Variants in PADI6 observed in about 807,000 individuals in gnomAD.
PADI6 encodes inactive protein-arginine deiminase type-6.
PADI6 carries 66 observed loss-of-function variants against 78.2 expected under a neutral mutation model. That is an observed-to-expected ratio of 0.84 (90% confidence interval 0.69 to 1.04). The LOEUF (loss-of-function observed/expected upper bound fraction) is 1.04. Among genes scored for constraint, PADI6 ranks in the 50% least tolerant of loss-of-function variants. The pLI is 0.00. For missense variants in PADI6, 854 were observed against 866.1 expected (o/e 0.99, Z 0.18); for synonymous variants, 397 against 346.9 (o/e 1.14, Z -1.60).
At chr1:17,375,540 C>A in intron 3 of PADI6, 41 bp downstream of exon 3, 1 of 1,529,218 alleles carries the variant, frequency 6.5e-7, no homozygotes, top group Non-Finnish European at 8.9e-7. Context: ...CCCAACTCAC[C>A]GCTGGGGTTG....
At chr1:17,380,281 C>T (rs1307277826) in intron 4 of PADI6, among the ~76,000 whole-genome samples, 1 of 152,162 alleles carries the variant, frequency 6.6e-6, no homozygotes, top group Non-Finnish European at 1.5e-5. Flanking sequence ...ATGATCTTAG[C>T]TCACTGTAAT....
chr1:17,397,573 C>T (rs1425033468), intron 14 of PADI6, among the ~76,000 whole-genome samples: 1 of 152,154 alleles, frequency 6.6e-6, no homozygotes, highest in Non-Finnish European at 1.5e-5. Flanking sequence ...TCTTTTCCCC[C>T]AAGCTGGGAA....
rs1403882024 is a variant in PADI6 at position 17,373,096 on chromosome 1, T to G, written c.157T>G (p.Ser53Ala). The G allele has an allele frequency of 6.2e-7, 1 of 1,613,966 alleles. No homozygotes were observed. Among genetic ancestry groups the G allele is most frequent in the Non-Finnish European group, 8.5e-7 (1 of 1,179,876 alleles). The change falls in exon 2 of 16, where the codon TCT becomes GCT. Residue 53 changes from serine (S) to alanine (A), a missense_variant. Transcript: ENST00000619609. Reference sequence around the variant, plus strand: ...GTGCCAGTGCTTCACCATCCATGGCTCTGGGAGGGTCTTGATCGATGTGGC... The same window carrying G: ...GTGCCAGTGCTTCACCATCCATGGCGCTGGGAGGGTCTTGATCGATGTGGC... ...QKCQCFTIHGSGRVLIDVANT... is the reference protein window; with the variant it reads ...QKCQCFTIHGAGRVLIDVANT...
intron 14 of PADI6, among the ~76,000 whole-genome samples, chr1:17,397,515 G>A (rs747402369): frequency 3.9e-5 from 6 of 152,138 alleles, no homozygotes; most frequent in African/African-American, 1.4e-4. Context: ...GATATTACTT[G>A]CAGATACTGT....
At chr1:17,387,814 ATCTCT>A (rs2075136375) in intron 6 of PADI6, among the ~76,000 whole-genome samples, 1 of 152,120 alleles carries the variant, frequency 6.6e-6, no homozygotes, top group South Asian at 2.1e-4. Context: ...CTTCCTTCTG[ATCTCT>A]TCTGTGCATG....
chr1:17,396,080 TC>T (rs1557609095), intron 13 of PADI6, among the ~76,000 whole-genome samples: 1 of 152,068 alleles, frequency 6.6e-6, no homozygotes, highest in Non-Finnish European at 1.5e-5. Context: ...CCATTGCACT[TC>T]TGATCTAAAG....
intron 9 of PADI6, among the ~76,000 whole-genome samples, chr1:17,392,892 G>A (rs2075202410): frequency 6.6e-6 from 1 of 152,164 alleles, no homozygotes; most frequent in South Asian, 2.1e-4. Flanking sequence ...AGTGGCTCAA[G>A]CCTGTAATCC....
At chr1:17,383,507 A>G (rs559708174) in intron 6 of PADI6, among the ~76,000 whole-genome samples, 1 of 152,346 alleles carries the variant, frequency 6.6e-6, no homozygotes, top group South Asian at 2.1e-4. Context: ...TAAGGATGCC[A>G]TACTTCATCA....
rs187619578 is a variant in PADI6, at chr1:17,400,833, C to T, written c.1852-372C>T. Among the ~76,000 whole-genome samples the T allele has an allele frequency of 3.2e-3, 487 of 152,148 alleles. 3 individuals carry two copies. Among genetic ancestry groups the T allele is most frequent in the Non-Finnish European group, 3.7e-3 (255 of 68,012 alleles). On this transcript the variant is annotated intron_variant, in intron 15 of 15. Transcript: ENST00000619609. ...AGTGTGGTCCGGCAGGGGTGAGTAA[C>T]GGTAAGAAGCTGCTTTGAGGAGGAG...
chr1:17,372,975 C>T (rs747882917), intron 1 of PADI6, 81 bp from the exon 2 acceptor site: 57 of 1,414,652 alleles, frequency 4.0e-5, no homozygotes, highest in Middle Eastern at 1.8e-4. Flanking sequence ...ATTCGGGAGC[C>T]GTCCCCTCCC....
chr1:17,379,151 C>A (rs1243030239), intron 3 of PADI6, among the ~76,000 whole-genome samples: 1 of 123,536 alleles, frequency 8.1e-6, no homozygotes, highest in Non-Finnish European at 1.6e-5. Context: ...GTCTCGCTGT[C>A]GCCCAGGCTG....
rs2075302551 is a variant in PADI6, at chr1:17,401,632, A to C, written c.*194A>C. On this transcript the variant is annotated 3_prime_UTR_variant, in exon 16 of 16. Coordinates refer to ENST00000619609, the MANE Select transcript of PADI6 (RefSeq NM_207421.4). ...GCCAGCTTGAACCCCTATGGGGAAA[A>C]GATGCAAAAGTGTTCAGCCAAGTGA... The C allele has an allele frequency of 1.7e-6, 1 of 595,188 alleles. No individual in the cohort carries two copies. The highest frequency in any genetic ancestry group is 1.9e-5 in the African/African-American group (1 of 53,906). 36.9% of individuals were successfully genotyped at this position (595,188 alleles called of 1,614,324 possible).
At chr1:17,372,849 G>A (rs569699829) in intron 1 of PADI6, among the ~76,000 whole-genome samples, 4 of 152,072 alleles carry the variant, frequency 2.6e-5, no homozygotes, top group East Asian at 3.9e-4. Flanking sequence ...TGTCGGTAGC[G>A]GGATGGGGTT....
At chr1:17,395,224 TTGA>T (rs1557608522) in intron 12 of PADI6, 117 bp downstream of exon 12, 32 of 1,326,582 alleles carry the variant, frequency 2.4e-5, no homozygotes, top group African/African-American at 3.3e-5. Context: ...TGTTTGTTTT[TTGA>T]GAGTCTTGCT....
At position 17,375,178 on chromosome 1, in the gene PADI6, T is replaced by A. The variant is rs1485900654; in HGVS notation, c.295-249T>A. Among the ~76,000 whole-genome samples, 4 of 152,204 alleles carry A rather than the reference T, an allele frequency of 2.6e-5. No homozygotes were observed. The South Asian group carries it at 6.2e-4, about 24-fold the overall frequency. Reference sequence around the variant, plus strand: ...CGCCATCAGGGATACAGCTCTCACGTGGACAGGTGGTTTCAAGCCTGGCTC... The same window carrying A: ...CGCCATCAGGGATACAGCTCTCACGAGGACAGGTGGTTTCAAGCCTGGCTC... On this transcript the variant is annotated intron_variant, in intron 2 of 15. Transcript: ENST00000619609.
At chr1:17,396,883 C>A (rs576425768) in intron 13 of PADI6, among the ~76,000 whole-genome samples, 188 bp from the exon 14 acceptor site, 5 of 152,194 alleles carry the variant, frequency 3.3e-5, no homozygotes, top group Non-Finnish European at 5.9e-5. Flanking sequence ...CTGGTGTAGA[C>A]CCTGGTCAGT....
At chr1:17,384,137 T>C (rs1283907455) in intron 6 of PADI6, among the ~76,000 whole-genome samples, 1 of 150,818 alleles carries the variant, frequency 6.6e-6, no homozygotes, top group Admixed American at 6.6e-5. Context: ...AGTGGGACTC[T>C]GTCTCAAAAA....
chr1:17,383,530 C>T (rs142152420), intron 6 of PADI6, among the ~76,000 whole-genome samples: 8 of 152,316 alleles, frequency 5.3e-5, no homozygotes, highest in Admixed American at 6.5e-5. Flanking sequence ...TGGATCATAG[C>T]GAACTACCGG....
Position 17,395,664 on chromosome 1 carries a change from G to T in PADI6, c.1618+1G>T. ...AGAGCAGATCAGCTCCTGTCTAATG[G>T]TAAGGGAACTCCCTTTCCACAGAAC... On this transcript the variant is annotated splice_donor_variant, in intron 13 of 15. Coordinates refer to ENST00000619609, the MANE Select transcript of PADI6 (RefSeq NM_207421.4). LOFTEE classifies it high-confidence loss of function. 6.2e-7 allele frequency: 1 copy of T among 1,610,934 alleles called. No individual in the cohort carries two copies. The highest frequency in any genetic ancestry group is 8.5e-7 in the Non-Finnish European group (1 of 1,178,412).
Sources: gnomAD v4.1 joint callset for allele counts (sites outside exome capture counted in the v4.1 genomes callset) on GRCh38, gnomAD v4.1.1 for gene constraint, MANE v1.5 for transcripts, NCBI Gene and HGNC (gene_info 2026-07-23, HGNC 2026-07-21) for gene names.